Variants in IFT88 observed in about 807,000 individuals in gnomAD.
IFT88 encodes intraflagellar transport protein 88 homolog.
IFT88 carries 74 observed loss-of-function variants against 119.5 expected under a neutral mutation model. The observed-to-expected ratio is 0.62, with a 90% CI of 0.51 to 0.75. IFT88 has a LOEUF of 0.75. Among genes scored for constraint, IFT88 ranks in the 30% least tolerant of loss-of-function variants. IFT88 has a pLI of 0.00. For synonymous variants in IFT88, 279 were observed against 316.7 expected (o/e 0.88, Z 1.26); for missense variants, 961 against 977.7 (o/e 0.98, Z 0.23).
intron 1 of IFT88, chr13:20,568,029 AAAG>A: frequency 1.4e-6 from 1 of 713,372 alleles, no homozygotes; most frequent in Non-Finnish European, 2.6e-6. Flanking sequence ...AAATCGCAAA[AAAG>A]AATCTCATAA....
At chr13:20,683,292 A>G (rs572302487) in intron 24 of IFT88, among the ~76,000 whole-genome samples, 1 of 152,272 alleles carries the variant, frequency 6.6e-6, no homozygotes, top group South Asian at 2.1e-4. Context: ...CTAAACCCTG[A>G]TGAGAATTCT....
At chr13:20,652,855 C>T (rs1032184948) in intron 20 of IFT88, among the ~76,000 whole-genome samples, 5 of 152,070 alleles carry the variant, frequency 3.3e-5, no homozygotes, top group East Asian at 3.9e-4. Context: ...GGTTGGAATG[C>T]GCCTCTAAGC....
chr13:20,569,937 C>G (rs1445343554), intron 1 of IFT88, among the ~76,000 whole-genome samples: 1 of 148,804 alleles, frequency 6.7e-6, no homozygotes, highest in Admixed American at 6.7e-5. Flanking sequence ...CCCAGCTACT[C>G]GAGAGGCTGA....
At chr13:20,607,945 A>T in intron 13 of IFT88, 1 of 638,914 alleles carries the variant, frequency 1.6e-6, no homozygotes. Flanking sequence ...GTAAGATGCA[A>T]ACCAGCAAGT....
chr13:20,643,283 T>TA (rs1276158250), intron 18 of IFT88, among the ~76,000 whole-genome samples, 172 bp from the exon 19 acceptor site: 7 of 152,138 alleles, frequency 4.6e-5, no homozygotes, highest in African/African-American at 7.2e-5. Context: ...GCAAGAGTGT[T>TA]ACCTCCACAG....
intron 16 of IFT88, chr13:20,631,917 T>C (rs1006807188): frequency 6.6e-6 from 1 of 152,036 alleles, no homozygotes; most frequent in African/African-American, 2.4e-5. Context: ...GAGGCTGAGG[T>C]GTGTGAATCA....
intron 13 of IFT88, among the ~76,000 whole-genome samples, chr13:20,610,104 G>GTT (rs55652116): frequency 0.05 from 7,365 of 146,540 alleles, 549 homozygotes; most frequent in African/African-American, 0.16. Context: ...CTTGACTGCT[G>GTT]TTTTTTTTTT....
At chr13:20,633,179 A>G (rs949313253) in intron 16 of IFT88, among the ~76,000 whole-genome samples, 1 of 152,242 alleles carries the variant, frequency 6.6e-6, no homozygotes, top group Non-Finnish European at 1.5e-5. Flanking sequence ...TCACACTGCT[A>G]TAAAGAAATA....
At chr13:20,678,868 A>G (rs559219502) in intron 24 of IFT88, among the ~76,000 whole-genome samples, 29 of 152,326 alleles carry the variant, frequency 1.9e-4, no homozygotes, top group African/African-American at 6.7e-4. Context: ...AGACTACACA[A>G]AGACAGACAA....
chr13:20,688,955 G>A (rs1033820619), intron 24 of IFT88, among the ~76,000 whole-genome samples: 1 of 151,972 alleles, frequency 6.6e-6, no homozygotes, highest in African/African-American at 2.4e-5. Context: ...TATTTATTGA[G>A]ACAGAATCTC....
At chr13:20,661,474 GC>G (rs1566399550) in intron 22 of IFT88, among the ~76,000 whole-genome samples, 1 of 152,176 alleles carries the variant, frequency 6.6e-6, no homozygotes, top group Admixed American at 6.5e-5. Context: ...GGTGGCACAC[GC>G]CTGTAATCCC....
At chr13:20,646,099 T>C (rs1416248736) in intron 20 of IFT88, among the ~76,000 whole-genome samples, 1 of 152,122 alleles carries the variant, frequency 6.6e-6, no homozygotes, top group African/African-American at 2.4e-5. Context: ...AACTCCTATT[T>C]GTAAATGTCA....
chr13:20,663,322 A>C (rs780870236), intron 22 of IFT88, 176 bp from the exon 23 acceptor site: 82 of 1,512,358 alleles, frequency 5.4e-5, no homozygotes, highest in Admixed American at 8.0e-5. Context: ...CCTTCCAAGG[A>C]AGTCAGTTCT....
intron 14 of IFT88, among the ~76,000 whole-genome samples, chr13:20,621,877 C>T (rs2046576744): frequency 6.6e-6 from 1 of 152,180 alleles, no homozygotes; most frequent in Non-Finnish European, 1.5e-5. Flanking sequence ...CTAAAAATCT[C>T]CTGTGTTGTA....
At chr13:20,646,358 A>G (rs1336721725) in intron 20 of IFT88, among the ~76,000 whole-genome samples, 1 of 150,260 alleles carries the variant, frequency 6.7e-6, no homozygotes, top group African/African-American at 2.5e-5. Context: ...GCTGGAGTGC[A>G]GTGGCGTGAT....
intron 3 of IFT88, 21 bp from the exon 4 acceptor site, chr13:20,589,788 CTA>C (rs775952834): frequency 6.4e-7 from 1 of 1,554,796 alleles, no homozygotes; most frequent in South Asian, 1.2e-5. Flanking sequence ...ATCCTGTTAA[CTA>C]TGTTCTTTTT....
chr13:20,670,002 A>G (rs1246059300), intron 23 of IFT88, among the ~76,000 whole-genome samples: 1 of 152,202 alleles, frequency 6.6e-6, no homozygotes, highest in Non-Finnish European at 1.5e-5. Context: ...TGAGTTAATT[A>G]TTGAAAAGAA....
chr13:20,689,162 G>A (rs2058242121), intron 24 of IFT88, among the ~76,000 whole-genome samples: 1 of 152,168 alleles, frequency 6.6e-6, no homozygotes, highest in Admixed American at 6.5e-5. Flanking sequence ...CCGAGCTCCT[G>A]ACCTCGTGAT....
chr13:20,611,184 A>T (rs1326591120), intron 13 of IFT88, among the ~76,000 whole-genome samples: 2 of 151,790 alleles, frequency 1.3e-5, no homozygotes, highest in Admixed American at 6.6e-5. Context: ...AACCAGGAAA[A>T]TTTTTTCACA....
Sources: gnomAD v4.1 joint callset for allele counts (sites outside exome capture counted in the v4.1 genomes callset) on GRCh38, gnomAD v4.1.1 for gene constraint, MANE v1.5 for transcripts, NCBI Gene and HGNC (gene_info 2026-07-23, HGNC 2026-07-21) for gene names.